Variants in PKP2 observed in about 807,000 individuals in gnomAD.
PKP2 encodes plakophilin 2.
In PKP2, 73 loss-of-function variants were observed where a neutral mutation model predicts 83.4. That is an observed-to-expected ratio of 0.88 (90% CI 0.72 to 1.06). The LOEUF (loss-of-function observed/expected upper bound fraction) is 1.06, where lower values mean the gene tolerates loss of function less well. Among genes scored for constraint, PKP2 ranks in the 50% least tolerant of loss-of-function variants. PKP2 has a pLI of 0.00. For synonymous variants in PKP2, 409 were observed against 430.4 expected (o/e 0.95, Z 0.62); for missense variants, 966 against 1,065.4 (o/e 0.91, Z 1.30).
intron 4 of PKP2, among the ~76,000 whole-genome samples, chr12:32,864,978 C>T (rs754435854): frequency 2.0e-5 from 3 of 152,116 alleles, no homozygotes; most frequent in African/African-American, 4.8e-5. Flanking sequence ...TGCACTAGGA[C>T]GTAAGAATGT....
intron 5 of PKP2, among the ~76,000 whole-genome samples, chr12:32,845,420 C>T (rs1412693869): frequency 6.6e-5 from 10 of 151,974 alleles, no homozygotes; most frequent in African/African-American, 2.2e-4. Context: ...GGCGTGGTGG[C>T]GGGTGCCTGT....
intron 9 of PKP2, 115 bp downstream of exon 9, chr12:32,821,240 CT>C (rs1956372189): frequency 1.8e-5 from 18 of 978,352 alleles, no homozygotes. Context: ...TGAGAATTGT[CT>C]TTACTAAAAT....
At chr12:32,896,364 A>C in intron 1 of PKP2, 145 bp downstream of exon 1, 3 of 578,004 alleles carry the variant, frequency 5.2e-6, no homozygotes, top group South Asian at 2.4e-5. Context: ...TTCCACAAGC[A>C]AGTCGGTCAT....
At chr12:32,821,208 G>A (rs916007390) in intron 9 of PKP2, 148 bp downstream of exon 9, 1 of 742,570 alleles carries the variant, frequency 1.3e-6, no homozygotes, top group Admixed American at 2.2e-5. Context: ...CATAAGCTGA[G>A]ACCGAAGCCC....
chr12:32,833,790 A>T (rs1445669633), intron 6 of PKP2, among the ~76,000 whole-genome samples: 1 of 152,222 alleles, frequency 6.6e-6, no homozygotes, highest in Admixed American at 6.5e-5. Context: ...CATAAAATGC[A>T]TTGAGAAAAA....
intron 5 of PKP2, chr12:32,843,032 T>G (rs1592747446): frequency 6.3e-6 from 2 of 317,164 alleles, no homozygotes; most frequent in Non-Finnish European, 1.2e-5. Flanking sequence ...TAGGCTGGAG[T>G]GTAGTGGCAC....
intron 4 of PKP2, among the ~76,000 whole-genome samples, chr12:32,853,017 G>C (rs1447106670): frequency 6.6e-6 from 1 of 152,150 alleles, no homozygotes; most frequent in African/African-American, 2.4e-5. Context: ...CCAGGAGGTG[G>C]AGCTTGCAGT....
intron 9 of PKP2, among the ~76,000 whole-genome samples, chr12:32,812,271 A>G (rs77624714): frequency 0.012 from 1,794 of 152,140 alleles, 10 homozygotes; most frequent in Admixed American, 0.026. Flanking sequence ...AGCATTTCAG[A>G]TTTTGAAAAT....
intron 4 of PKP2, among the ~76,000 whole-genome samples, chr12:32,868,085 GTT>G (rs1956864712): frequency 6.6e-6 from 1 of 152,240 alleles, no homozygotes; most frequent in Non-Finnish European, 1.5e-5. Flanking sequence ...AAATGGAGAG[GTT>G]GGGGAGACAG....
chr12:32,869,656 A>C (rs1031533771), intron 3 of PKP2, among the ~76,000 whole-genome samples: 1 of 82,902 alleles, frequency 1.2e-5, no homozygotes, highest in Non-Finnish European at 2.4e-5. Context: ...CTTACATCTT[A>C]TAAAAGCAAC....
At position 32,794,714 on chromosome 12, in the gene PKP2, G is replaced by A. The variant is rs901697033; in HGVS notation, c.2357+1395C>T. On this transcript the variant is annotated intron_variant, in intron 11 of 12. Coordinates refer to ENST00000340811, the MANE Select transcript of PKP2 (RefSeq NM_001005242.3). ...GAAAAGTCATTTCTGTTTTGCAACA[G>A]TAATTCACTCTTTCCACAAAGACTG... is the stretch of plus-strand genomic sequence containing the variant. Among the ~76,000 whole-genome samples the A allele has an allele frequency of 5.3e-5, 8 of 152,206 alleles. 1 individual carries two copies. The highest frequency in any genetic ancestry group is 1.9e-4 in the African/African-American group (8 of 41,452).
intron 6 of PKP2, among the ~76,000 whole-genome samples, chr12:32,836,628 A>G (rs1956547455): frequency 6.6e-6 from 1 of 152,218 alleles, no homozygotes; most frequent in African/African-American, 2.4e-5. Flanking sequence ...ATCAAACACA[A>G]TGCCTGAAAT....
At chr12:32,839,874 T>C (rs1956574459) in intron 6 of PKP2, among the ~76,000 whole-genome samples, 1 of 152,170 alleles carries the variant, frequency 6.6e-6, no homozygotes, top group East Asian at 1.9e-4. Context: ...AGGCACTTCT[T>C]ATGCCTTTCA....
chr12:32,829,742 C>A lies in PKP2; in HGVS notation c.1557-5580G>T, dbSNP rs190047660. 2.6e-4 allele frequency among the ~76,000 whole-genome samples: 39 copies of A among 152,154 alleles called. 1 individual carries two copies. The East Asian group carries it at 7.3e-3, about 29-fold the overall frequency. ...GTGGCGAAATCTTGGCTCACTGCAACCTCCGCTGCCCAAGTTCAACGGGTT... is the reference window on the plus strand; with the variant it reads ...GTGGCGAAATCTTGGCTCACTGCAAACTCCGCTGCCCAAGTTCAACGGGTT... On this transcript the variant is annotated intron_variant, in intron 6 of 12. Coordinates refer to ENST00000340811, the MANE Select transcript of PKP2 (RefSeq NM_001005242.3).
At chr12:32,872,833 GGGCACTATAAAA>G (rs201251132) in intron 3 of PKP2, among the ~76,000 whole-genome samples, 1,542 of 152,180 alleles carry the variant, frequency 0.01, 29 homozygotes, top group African/African-American at 0.036. Flanking sequence ...ACAGCGTTGA[GGGCACTATAAAA>G]GGTTCAGCTG....
Position 32,868,908 on chromosome 12 carries a change from GACTGAAGATGAC to G in PKP2, c.1170+7_1170+18del. ...TGAAAGTGTGTTGCGCTTTGCAATG[GACTGAAGATGAC>G]ACTCACCCTCTTCCGAGCTTCAGAT... is the stretch of plus-strand genomic sequence containing the variant. On this transcript the variant is annotated splice_region_variant and intron_variant, in intron 4 of 12. Coordinates refer to ENST00000340811, the MANE Select transcript of PKP2 (RefSeq NM_001005242.3). The G allele has an allele frequency of 6.2e-7, 1 of 1,610,560 alleles. No homozygotes were observed. Among genetic ancestry groups the G allele is most frequent in the Non-Finnish European group, 8.5e-7 (1 of 1,178,352 alleles).
intron 6 of PKP2, among the ~76,000 whole-genome samples, chr12:32,838,768 T>C (rs2137823812): frequency 6.6e-6 from 1 of 152,342 alleles, no homozygotes; most frequent in South Asian, 2.1e-4. Context: ...CAAAATCTAT[T>C]AATAGTAGCA....
chr12:32,885,496 A>C (rs1212000668), intron 1 of PKP2, among the ~76,000 whole-genome samples: 1 of 152,132 alleles, frequency 6.6e-6, no homozygotes, highest in African/African-American at 2.4e-5. Flanking sequence ...TCTAAAACAT[A>C]AAATACAAAC....
intron 1 of PKP2, among the ~76,000 whole-genome samples, chr12:32,895,918 GC>G (rs1957118985): frequency 6.6e-6 from 1 of 152,202 alleles, no homozygotes; most frequent in Non-Finnish European, 1.5e-5. Context: ...CTGGACCAAA[GC>G]CTCCTAACTA....
Sources: gnomAD v4.1 joint callset for allele counts (sites outside exome capture counted in the v4.1 genomes callset) on GRCh38, gnomAD v4.1.1 for gene constraint, MANE v1.5 for transcripts, NCBI Gene and HGNC (gene_info 2026-07-23, HGNC 2026-07-21) for gene names.